DLGAP1: variants seen among roughly 807,000 people sequenced by gnomAD.
The protein encoded by DLGAP1 is DLG associated protein 1.
In DLGAP1, 11 loss-of-function variants were observed where a neutral mutation model predicts 90.8. The ratio of observed to expected loss-of-function variants is 0.12; its 90% CI spans 0.08 to 0.20. The LOEUF (loss-of-function observed/expected upper bound fraction) is 0.20, where lower values mean the gene tolerates loss of function less well. Ranked by LOEUF, DLGAP1 falls within the 10% of genes least tolerant of loss-of-function variation. The pLI is 1.00. For synonymous variants in DLGAP1, 558 were observed against 540.7 expected, an observed-to-expected ratio of 1.03 and a Z score of -0.44; for missense variants, 1,050 against 1,333.8, an observed-to-expected ratio of 0.79 and a Z score of 3.31.
intron 7 of DLGAP1, among the ~76,000 whole-genome samples, chr18:3,710,322 C>T (rs2061560199): frequency 6.6e-6 from 1 of 152,326 alleles, no homozygotes; most frequent in African/African-American, 2.4e-5. Context: ...CCTGCCCCTG[C>T]AGATTTTTGA....
At chr18:3,778,638 G>A (rs1291929916) in intron 5 of DLGAP1, among the ~76,000 whole-genome samples, 1 of 152,146 alleles carries the variant, frequency 6.6e-6, no homozygotes, top group South Asian at 2.1e-4. Context: ...GGCAAGTGGG[G>A]AGAGATTCAA....
chr18:3,740,953 T>TCAC (rs1329986957), intron 6 of DLGAP1, among the ~76,000 whole-genome samples: 2 of 96,074 alleles, frequency 2.1e-5, no homozygotes, highest in Non-Finnish European at 4.2e-5. Flanking sequence ...GCCACCACTG[T>TCAC]CACCACCACC....
At chr18:4,108,478 T>G (rs901190281) in intron 2 of DLGAP1, among the ~76,000 whole-genome samples, 3 of 152,012 alleles carry the variant, frequency 2.0e-5, no homozygotes, top group African/African-American at 7.3e-5. Flanking sequence ...GTCTCAGCCA[T>G]GAACCTGTAA....
chr18:3,898,152 A>C (rs1439759925), intron 3 of DLGAP1, among the ~76,000 whole-genome samples: 1 of 152,168 alleles, frequency 6.6e-6, no homozygotes, highest in Non-Finnish European at 1.5e-5. Context: ...TTACTGGTTG[A>C]GCATCCCAAA....
At chr18:4,288,729 A>G (rs923454721) in intron 1 of DLGAP1, among the ~76,000 whole-genome samples, 3 of 152,122 alleles carry the variant, frequency 2.0e-5, no homozygotes, top group African/African-American at 7.2e-5. Context: ...ACACTAGAAG[A>G]CAGCTTAAAA....
chr18:4,115,494 C>CTTTCTTTA (rs554720987), intron 2 of DLGAP1, among the ~76,000 whole-genome samples: 1 of 146,508 alleles, frequency 6.8e-6, no homozygotes, highest in East Asian at 1.9e-4. Context: ...TTCTTTCTTT[C>CTTTCTTTA]TTTTTTTTTG....
At chr18:3,707,821 A>T in intron 7 of DLGAP1, among the ~76,000 whole-genome samples, 1 of 152,126 alleles carries the variant, frequency 6.6e-6, no homozygotes, top group East Asian at 1.9e-4. Flanking sequence ...TTAAACGGGC[A>T]CAGGAATAAA....
At chr18:3,848,830 C>G (rs887793054) in intron 4 of DLGAP1, among the ~76,000 whole-genome samples, 8 of 152,300 alleles carry the variant, frequency 5.3e-5, no homozygotes, top group African/African-American at 1.9e-4. Context: ...AACCGATTCT[C>G]CTCTTCCACT....
intron 5 of DLGAP1, among the ~76,000 whole-genome samples, chr18:3,781,245 A>G (rs904082278): frequency 1.3e-5 from 2 of 152,024 alleles, no homozygotes; most frequent in African/African-American, 2.4e-5. Flanking sequence ...CAGTTCATTC[A>G]GAGGCCCTCA....
chr18:3,523,598 A>C (rs1036894047), intron 10 of DLGAP1, among the ~76,000 whole-genome samples: 1 of 152,150 alleles, frequency 6.6e-6, no homozygotes, highest in Non-Finnish European at 1.5e-5. Context: ...CTGTAATCCC[A>C]GCACTTTGGG....
intron 2 of DLGAP1, among the ~76,000 whole-genome samples, chr18:4,115,335 T>C (rs561783196): frequency 2.5e-5 from 3 of 121,290 alleles, no homozygotes; most frequent in Admixed American, 8.4e-5. Flanking sequence ...CATAATCTTA[T>C]GTTTTTTTTT....
intron 1 of DLGAP1, among the ~76,000 whole-genome samples, chr18:4,306,565 G>A (rs1432943703): frequency 6.6e-6 from 1 of 151,726 alleles, no homozygotes; most frequent in East Asian, 1.9e-4. Context: ...AGAAGCCCTG[G>A]TTATGGTTTA....
At chr18:4,155,564 C>A (rs2076741709) in intron 1 of DLGAP1, among the ~76,000 whole-genome samples, 1 of 152,082 alleles carries the variant, frequency 6.6e-6, no homozygotes, top group South Asian at 2.1e-4. Flanking sequence ...TTTTTCCTTC[C>A]AAAGTAGTGA....
chr18:3,765,337 A>C (rs1044983568), intron 5 of DLGAP1, among the ~76,000 whole-genome samples: 1 of 150,022 alleles, frequency 6.7e-6, no homozygotes, highest in South Asian at 2.1e-4. Context: ...TCACCATGTT[A>C]GCCAGGATGG....
chr18:3,562,831 CTGTT>C (rs899389550), intron 9 of DLGAP1, among the ~76,000 whole-genome samples: 2 of 150,108 alleles, frequency 1.3e-5, no homozygotes, highest in Non-Finnish European at 3.0e-5. Flanking sequence ...TTTGTTTGTT[CTGTT>C]TGTTTATTTT....
At chr18:4,147,967 C>T (rs2076613429) in intron 2 of DLGAP1, among the ~76,000 whole-genome samples, 2 of 152,160 alleles carry the variant, frequency 1.3e-5, no homozygotes, top group Non-Finnish European at 2.9e-5. Flanking sequence ...ATTCTTGGGC[C>T]TCACTCCAGA....
intron 7 of DLGAP1, among the ~76,000 whole-genome samples, chr18:3,646,313 A>T (rs1319861192): frequency 3.9e-5 from 6 of 151,920 alleles, no homozygotes; most frequent in Non-Finnish European, 8.8e-5. Flanking sequence ...GGATCACTTA[A>T]GCCCAGGAGG....
At chr18:4,401,652 G>A (rs2082556937) in intron 1 of DLGAP1, among the ~76,000 whole-genome samples, 1 of 151,914 alleles carries the variant, frequency 6.6e-6, no homozygotes, top group Non-Finnish European at 1.5e-5. Flanking sequence ...AAATGTACCT[G>A]GAAAATGTAG....
chr18:3,686,639 CT>C (rs1567962726), intron 7 of DLGAP1, among the ~76,000 whole-genome samples: 1 of 151,262 alleles, frequency 6.6e-6, no homozygotes, highest in African/African-American at 2.5e-5. Flanking sequence ...GTGAAGAGAT[CT>C]AGCCTAGATC....
Sources: gnomAD v4.1 joint callset for allele counts (sites outside exome capture counted in the v4.1 genomes callset) on GRCh38, gnomAD v4.1.1 for gene constraint, MANE v1.5 for transcripts, NCBI Gene and HGNC (gene_info 2026-07-23, HGNC 2026-07-21) for gene names.